CLTB: variants seen among roughly 807,000 people sequenced by gnomAD.
CLTB encodes the protein clathrin, light chain (Lcb).
CLTB carries 10 observed loss-of-function variants against 30.5 expected under a neutral mutation model. The observed-to-expected ratio is 0.33, with a 90% confidence interval of 0.20 to 0.56. CLTB has a LOEUF of 0.56. Among genes scored for constraint, CLTB ranks in the 20% least tolerant of loss-of-function variants. The pLI is 0.91. For missense variants in CLTB, 261 were observed against 308.3 expected (o/e 0.85, Z 1.15); for synonymous variants, 102 against 120.3 (o/e 0.85, Z 1.00).
chr5:176,398,065 A>G lies in CLTB; in HGVS notation c.235-18T>C. On this transcript the variant is annotated intron_variant, in intron 2 of 5. Coordinates refer to ENST00000310418, the MANE Select transcript of CLTB (RefSeq NM_007097.5). The stretch of plus-strand genomic sequence containing the variant: ...TTGGCCTCCTAGAACACAAACACGC[A>G]GCAGTCTATCCAGCCAGCACACCTG... 1.2e-6 allele frequency: 2 copies of G among 1,609,578 alleles called. No homozygotes were observed. Among genetic ancestry groups the G allele is most frequent in the East Asian group, 2.2e-5 (1 of 44,856 alleles).
At position 176,392,656 on chromosome 5, in the gene CLTB, G is replaced by A; in HGVS notation, c.*118C>T. On this transcript the variant is annotated 3_prime_UTR_variant, in exon 6 of 6. Transcript: ENST00000310418. The surrounding 1 kb of genome is among the most constrained non-coding windows in gnomAD (Gnocchi z 5.2). ...CCCCCCTCCCAGCGCCTGGAGATGG[G>A]GAGGAGTGGAATAGGCTGTGGGTAG... is the stretch of plus-strand genomic sequence containing the variant. 8.3e-7 allele frequency: 1 copy of A among 1,202,254 alleles called. No individual in the cohort carries two copies. The highest frequency in any genetic ancestry group is 2.4e-5 in the East Asian group (1 of 41,284). 74.5% of individuals were successfully genotyped at this position (1,202,254 alleles called of 1,614,324 possible).
rs148973813 is a variant in CLTB at position 176,400,529 on chromosome 5, C to T, written c.235-2482G>A. Among the ~76,000 whole-genome samples the T allele has an allele frequency of 1.2e-4, 19 of 152,314 alleles. 1 individual carries two copies. In the East Asian group the frequency reaches 3.7e-3, roughly 29 times the overall value. The stretch of plus-strand genomic sequence containing the variant: ...CCCAAAGCGCTGAGCACCGTGAGCT[C>T]TGCTCACAAGGGTGTGGCACCCTCT... On this transcript the variant is annotated intron_variant, in intron 2 of 5. Transcript: ENST00000310418.
intron 5 of CLTB, among the ~76,000 whole-genome samples, chr5:176,395,639 G>A (rs985365957): frequency 3.3e-5 from 5 of 152,146 alleles, no homozygotes; most frequent in Non-Finnish European, 5.9e-5. Context: ...TAACCTGTTT[G>A]CCAACCCTGG....
In CLTB at chr5:176,402,247, G is replaced by A. The variant is rs896839530; in HGVS notation, c.235-4200C>T. 3.9e-5 allele frequency among the ~76,000 whole-genome samples: 6 copies of A among 152,286 alleles called. No homozygotes were observed. In the East Asian group the frequency reaches 1.2e-3, roughly 29 times the overall value. On this transcript the variant is annotated intron_variant, in intron 2 of 5. Transcript: ENST00000310418. ...CGGGAGATGGAGGTTGCAGTGAGCC[G>A]AGATCGTGCCACTGTACTCCAGCCT...
chr5:176,399,985 A>C (rs547406978), intron 2 of CLTB, among the ~76,000 whole-genome samples: 1 of 152,240 alleles, frequency 6.6e-6, no homozygotes, highest in African/African-American at 2.4e-5. Context: ...TGAGGTCAGG[A>C]GTTCGAGACC....
intron 2 of CLTB, chr5:176,406,462 G>A (rs200778036): frequency 2.9e-5 from 34 of 1,181,986 alleles, no homozygotes; most frequent in Non-Finnish European, 3.6e-5. Flanking sequence ...ATCCTTCTTT[G>A]GGATTGATCA....
chr5:176,400,432 C>T (rs760960193), intron 2 of CLTB, among the ~76,000 whole-genome samples: 3 of 152,144 alleles, frequency 2.0e-5, no homozygotes, highest in East Asian at 3.9e-4. Flanking sequence ...AGAGCCAGGA[C>T]TAGAGTCCAG....
At chr5:176,397,820 C>T (rs1270539857) in intron 3 of CLTB, 102 bp from the exon 4 acceptor site, 12 of 1,477,668 alleles carry the variant, frequency 8.1e-6, no homozygotes, top group Middle Eastern at 1.7e-4. Context: ...AGGGCCGCAC[C>T]GGCCCAGTCC....
In CLTB at chr5:176,392,556, A is replaced by C. The variant is rs1375949245; in HGVS notation, c.*218T>G. 1.8e-6 allele frequency: 1 copy of C among 567,144 alleles called. No homozygotes were observed. The allele number at this position is 567,144 out of a possible 1,614,324, so 35.1% of individuals were successfully genotyped here. A position where few individuals can be genotyped will look rare whatever the true frequency, so the allele number is the denominator to read the frequency against. On this transcript the variant is annotated 3_prime_UTR_variant, in exon 6 of 6. Transcript: ENST00000310418. This position sits in a 1 kb window ranked among gnomAD's most constrained non-coding sequence, Gnocchi z 5.2. ...AAATACATCAGGAGGGACAGTCACAATTGAGTAGACTGAGAGGAGGCGTGA... is the reference window on the plus strand; with the variant it reads ...AAATACATCAGGAGGGACAGTCACACTTGAGTAGACTGAGAGGAGGCGTGA...
Position 176,393,347 on chromosome 5 carries a change from A to G in CLTB, c.519-402T>C, listed in dbSNP as rs1257403266. On this transcript the variant is annotated intron_variant, in intron 5 of 5. Transcript: ENST00000310418. This position sits in a 1 kb window ranked among gnomAD's most constrained non-coding sequence, Gnocchi z 4.4. ...AGGTCCTAGGACGACCTAATGCAGG[A>G]CCTTAGCTATTTCACCATTTCCAAA... is the stretch of plus-strand genomic sequence containing the variant. Among the ~76,000 whole-genome samples, 1 of 152,192 alleles carries G rather than the reference A, an allele frequency of 6.6e-6. No individual in the cohort carries two copies. The highest frequency in any genetic ancestry group is 1.5e-5 in the Non-Finnish European group (1 of 68,030).
intron 5 of CLTB, among the ~76,000 whole-genome samples, chr5:176,396,150 C>G (rs1046218008): frequency 6.6e-6 from 1 of 152,090 alleles, no homozygotes; most frequent in African/African-American, 2.4e-5. Context: ...AACAAAAAAC[C>G]CTTCACCCCA....
intron 2 of CLTB, among the ~76,000 whole-genome samples, chr5:176,409,630 G>A (rs1757323659): frequency 6.6e-6 from 1 of 151,964 alleles, no homozygotes; most frequent in Non-Finnish European, 1.5e-5. Context: ...GGCCAGGCTG[G>A]TCTTGAACTC....
Position 176,410,278 on chromosome 5 carries a change from T to G in CLTB, c.213A>C (p.Thr71=), listed in dbSNP as rs1390837803. The G allele has an allele frequency of 1.2e-6, 2 of 1,613,930 alleles. No homozygotes were observed. Among genetic ancestry groups the G allele is most frequent in the Middle Eastern group, 1.6e-4 (1 of 6,084 alleles). Residue 71 remains threonine, a synonymous_variant, in exon 2 of 6, where the codon ACA becomes ACC. Transcript: ENST00000310418. ...SGAGSEDMGT[T]VNGDVFQEAN... ...TTACCTGAAACACATCTCCATTGACTGTGGTCCCCATGTCCTCAGAACCAG... is the reference window on the plus strand; with the variant it reads ...TTACCTGAAACACATCTCCATTGACGGTGGTCCCCATGTCCTCAGAACCAG...
At chr5:176,410,610 T>C (rs901995304) in intron 1 of CLTB, among the ~76,000 whole-genome samples, 1 of 152,152 alleles carries the variant, frequency 6.6e-6, no homozygotes. Context: ...ACCCAGCCAG[T>C]AATAGCTCCT....
Position 176,397,939 on chromosome 5 carries a change from G to A in CLTB, c.343C>T (p.Gln115Ter), listed in dbSNP as rs1756627944. Residue 115 changes from glutamine (Q) to a stop codon, truncating the protein, a stop_gained, in exon 3 of 6, where the codon CAA becomes TAA. Coordinates refer to ENST00000310418, the MANE Select transcript of CLTB (RefSeq NM_007097.5). LOFTEE classifies it high-confidence loss of function. ...TCAGCCCCGCCCTCACCCAGCTCTTGCAGCCGTTTCCTCTGCTCCTCTCGC... is the reference window on the plus strand; with the variant it reads ...TCAGCCCCGCCCTCACCCAGCTCTTACAGCCGTTTCCTCTGCTCCTCTCGC... ...KWREEQRKRL[Q>*]ELDAASKVTE... The A allele has an allele frequency of 6.2e-7, 1 of 1,613,514 alleles. No individual in the cohort carries two copies. Among genetic ancestry groups the A allele is most frequent in the Non-Finnish European group, 8.5e-7 (1 of 1,179,928 alleles).
chr5:176,413,335 T>C (rs1318742064), intron 1 of CLTB, among the ~76,000 whole-genome samples: 1 of 152,192 alleles, frequency 6.6e-6, no homozygotes, highest in Non-Finnish European at 1.5e-5. Context: ...GCGGGGGAAA[T>C]GGGCTTGCCC....
chr5:176,406,564 C>A, intron 2 of CLTB: 1 of 1,287,810 alleles, frequency 7.8e-7, no homozygotes, highest in South Asian at 1.2e-5. Context: ...AGGATCTGTG[C>A]AGAGGTGGGG....
At chr5:176,410,811 A>G (rs1757390882) in intron 1 of CLTB, among the ~76,000 whole-genome samples, 2 of 151,978 alleles carry the variant, frequency 1.3e-5, no homozygotes. Context: ...CTGGGTGAGC[A>G]GGAGTTGCAG....
At position 176,415,336 on chromosome 5, in the gene CLTB, AC is replaced by A. The variant is rs377600547; in HGVS notation, c.187+840del. 1.1e-4 allele frequency among the ~76,000 whole-genome samples: 16 copies of A among 152,250 alleles called. No individual in the cohort carries two copies. The South Asian group carries it at 3.1e-3, about 30-fold the overall frequency. ...TCCGGTGTCTAACTCAGAGCCAGAC[AC>A]TTGGTAGGCAGTGTGGTCAGGTGGA... On this transcript the variant is annotated intron_variant, in intron 1 of 5. Coordinates refer to ENST00000310418, the MANE Select transcript of CLTB (RefSeq NM_007097.5).
Sources: allele counts gnomAD v4.1 joint callset (sites outside exome capture counted in the v4.1 genomes callset), GRCh38; gene constraint gnomAD v4.1.1; non-coding constraint Gnocchi (gnomAD v3.1); transcripts MANE v1.5; gene names NCBI Gene and HGNC (gene_info 2026-07-23, HGNC 2026-07-21).